Variants in PTPRD observed in about 807,000 individuals in gnomAD.
The protein encoded by PTPRD is receptor-type tyrosine-protein phosphatase delta.
In PTPRD, 34 loss-of-function variants were observed where a neutral mutation model predicts 214.5. That is an observed-to-expected ratio of 0.16 (90% CI 0.12 to 0.21). The LOEUF is 0.21. Ranked by LOEUF, PTPRD falls within the 10% of genes least tolerant of loss-of-function variation. The pLI, the probability that PTPRD is intolerant of heterozygous loss-of-function variation, is 1.00. For missense variants in PTPRD, 2,545 were observed against 2,398.7 expected (o/e 1.06, Z -1.27); for synonymous variants, 1,128 against 845.7 (o/e 1.33, Z -5.79).
At chr9:8,491,922 A>C (rs1056328361) in intron 27 of PTPRD, among the ~76,000 whole-genome samples, 1 of 152,190 alleles carries the variant, frequency 6.6e-6, no homozygotes, top group Non-Finnish European at 1.5e-5. Context: ...ATCATGGTTT[A>C]CATGTTCACG....
At chr9:8,609,423 G>A (rs2095360063) in intron 14 of PTPRD, among the ~76,000 whole-genome samples, 1 of 152,202 alleles carries the variant, frequency 6.6e-6, no homozygotes, top group Non-Finnish European at 1.5e-5. Context: ...ATTTTAGATT[G>A]ATGAGTTGTG....
chr9:9,549,221 C>T (rs1033026070), intron 8 of PTPRD, among the ~76,000 whole-genome samples: 4 of 151,862 alleles, frequency 2.6e-5, no homozygotes, highest in Non-Finnish European at 4.4e-5. Context: ...TAAGCAGCCA[C>T]AGGTTAGGAG....
At chr9:9,490,037 T>A (rs1589732516) in intron 8 of PTPRD, among the ~76,000 whole-genome samples, 1 of 152,172 alleles carries the variant, frequency 6.6e-6, no homozygotes, top group East Asian at 1.9e-4. Context: ...ATATAAGAGA[T>A]CCTCCATAAG....
In PTPRD at chr9:8,507,235, C is replaced by T. The variant is rs1384504729; in HGVS notation, c.1677+66G>A. The T allele has an allele frequency of 2.6e-6, 4 of 1,548,278 alleles. No homozygotes were observed. The East Asian group carries it at 9.3e-5, about 36-fold the overall frequency. On this transcript the variant is annotated intron_variant, in intron 22 of 45. Transcript: ENST00000381196. ...CTCTGACCAAGAATGTGGATAAATA[C>T]ACAAAAATAAAAAAGTGGCCCCACG...
intron 12 of PTPRD, among the ~76,000 whole-genome samples, chr9:8,675,694 T>A (rs1021515970): frequency 6.6e-6 from 1 of 152,018 alleles, no homozygotes; most frequent in Admixed American, 6.6e-5. Flanking sequence ...GGACCCATCA[T>A]CTCACGTCGC....
intron 14 of PTPRD, among the ~76,000 whole-genome samples, chr9:8,541,761 A>G (rs1280875875): frequency 2.0e-5 from 3 of 152,208 alleles, no homozygotes; most frequent in African/African-American, 7.2e-5. Flanking sequence ...GAAACTGCCC[A>G]AAGAAGTTTA....
intron 11 of PTPRD, among the ~76,000 whole-genome samples, chr9:8,921,298 C>G (rs1222582499): frequency 1.3e-5 from 2 of 152,114 alleles, no homozygotes; most frequent in African/African-American, 4.8e-5. Flanking sequence ...TTAAAGCTTC[C>G]TGAACTTGCT....
At chr9:8,675,125 T>C (rs2097374152) in intron 12 of PTPRD, among the ~76,000 whole-genome samples, 2 of 152,104 alleles carry the variant, frequency 1.3e-5, no homozygotes, top group South Asian at 2.1e-4. Flanking sequence ...TTGGGACATA[T>C]GGGAAGCCTC....
intron 3 of PTPRD, among the ~76,000 whole-genome samples, chr9:10,142,417 C>G (rs76141268): frequency 0.067 from 10,135 of 150,780 alleles, 480 homozygotes; most frequent in East Asian, 0.14. Context: ...TGAACTCAAA[C>G]AAATTTACGA....
intron 8 of PTPRD, among the ~76,000 whole-genome samples, chr9:9,398,209 T>C (rs979444130): frequency 6.6e-6 from 1 of 151,832 alleles, no homozygotes; most frequent in Non-Finnish European, 1.5e-5. Flanking sequence ...CCAGCTCAAT[T>C]AACATTTCTT....
chr9:10,309,119 C>T (rs1006567197), intron 3 of PTPRD, among the ~76,000 whole-genome samples: 5 of 152,004 alleles, frequency 3.3e-5, no homozygotes, highest in Non-Finnish European at 5.9e-5. Flanking sequence ...AGCAACTCAG[C>T]ATCCTTTTCA....
At chr9:10,329,416 TAA>T (rs1045115617) in intron 3 of PTPRD, among the ~76,000 whole-genome samples, 1 of 151,880 alleles carries the variant, frequency 6.6e-6, no homozygotes, top group East Asian at 1.9e-4. Context: ...AAATAAAATT[TAA>T]AAAGTTATTG....
intron 10 of PTPRD, among the ~76,000 whole-genome samples, chr9:9,062,800 T>C (rs904990723): frequency 6.6e-6 from 1 of 152,200 alleles, no homozygotes; most frequent in African/African-American, 2.4e-5. Flanking sequence ...GTGAATTTCC[T>C]GACTTGATTT....
intron 40 of PTPRD, 35 bp downstream of exon 40, chr9:8,341,658 G>C (rs2132477834): frequency 6.2e-7 from 1 of 1,600,980 alleles, no homozygotes; most frequent in Non-Finnish European, 8.5e-7. Context: ...AGAATGACTT[G>C]CTCCTGAATA....
chr9:9,458,638 G>C (rs1344612339), intron 8 of PTPRD, among the ~76,000 whole-genome samples: 1 of 152,072 alleles, frequency 6.6e-6, no homozygotes, highest in Non-Finnish European at 1.5e-5. Context: ...GTGGATGCCA[G>C]CTATCTCAGA....
intron 8 of PTPRD, among the ~76,000 whole-genome samples, chr9:9,431,487 A>G (rs2083101792): frequency 6.6e-6 from 1 of 152,120 alleles, no homozygotes; most frequent in Non-Finnish European, 1.5e-5. Flanking sequence ...ATTGTGGAAG[A>G]CAGTGTGGCA....
At chr9:10,165,778 A>T (rs1267890959) in intron 3 of PTPRD, among the ~76,000 whole-genome samples, 1 of 151,284 alleles carries the variant, frequency 6.6e-6, no homozygotes, top group Non-Finnish European at 1.5e-5. Flanking sequence ...TTCTCTTAAA[A>T]AAAACCATAC....
At chr9:8,968,056 C>T (rs1248833350) in intron 11 of PTPRD, among the ~76,000 whole-genome samples, 1 of 152,008 alleles carries the variant, frequency 6.6e-6, no homozygotes, top group Non-Finnish European at 1.5e-5. Flanking sequence ...TTTCCAGCTT[C>T]ATCCATGTCC....
At position 9,892,527 on chromosome 9, in the gene PTPRD, C is replaced by T. The variant is rs117452588; in HGVS notation, c.-368+45980G>A. Among the ~76,000 whole-genome samples the T allele has an allele frequency of 1.9e-3, 294 of 152,078 alleles. 7 individuals are homozygous for T. The East Asian group carries it at 0.055, about 29-fold the overall frequency. On this transcript the variant is annotated intron_variant, in intron 5 of 45. Transcript: ENST00000381196. ...ACCAAATGATTCAGATCATTGTGGA[C>T]ACTTGTAATGATGTTGGCTTACTAG... is the stretch of plus-strand genomic sequence containing the variant.
Sources: gnomAD v4.1 joint callset for allele counts (sites outside exome capture counted in the v4.1 genomes callset) on GRCh38, gnomAD v4.1.1 for gene constraint, MANE v1.5 for transcripts, NCBI Gene and HGNC (gene_info 2026-07-23, HGNC 2026-07-21) for gene names.